The following ZNF469 variants were observed in gnomAD, a reference collection of about 807,000 sequenced individuals.
ZNF469 encodes zinc finger protein 469.
Under a neutral mutation model 1.0 loss-of-function variants are expected in ZNF469, and 1 was observed. That is an observed-to-expected ratio of 1.00 (90% CI 0.35 to 4.73). ZNF469 has a LOEUF of 4.73. Among genes scored for constraint, ZNF469 ranks in the 30% most tolerant of loss-of-function variants. The probability of loss-of-function intolerance (pLI) is 0.16; values close to 1 mark genes in which losing one functional copy is unlikely to be tolerated. For missense variants in ZNF469, 6,100 were observed against 5,356.3 expected (o/e 1.14, Z -4.33); for synonymous variants, 2,703 against 2,363.4 (o/e 1.14, Z -4.17).
chr16:88,165,301 C>T, the ZNF469 span, among the ~76,000 whole-genome samples: 2 of 152,260 alleles, frequency 1.3e-5, no homozygotes, highest in East Asian at 3.8e-4. Context: ...GCTCACGCCA[C>T]CCCGGGTAGC....
At chr16:88,133,642 T>G in the ZNF469 span, among the ~76,000 whole-genome samples, 3 of 150,314 alleles carry the variant, frequency 2.0e-5, no homozygotes, top group African/African-American at 7.5e-5. Flanking sequence ...ATAAAATAAA[T>G]TATAAATAAA....
At chr16:88,360,803 C>G in the ZNF469 span, among the ~76,000 whole-genome samples, 2 of 151,960 alleles carry the variant, frequency 1.3e-5, no homozygotes, top group East Asian at 3.9e-4. Context: ...AGACAGTGCC[C>G]GCGTGCTCTC....
Position 88,437,754 on chromosome 16 carries a change from CAAG to C in ZNF469, c.10288_10290del (p.Lys3430del), listed in dbSNP as rs940875153. 5.2e-6 allele frequency: 8 copies of C among 1,549,632 alleles called. No homozygotes were observed. Among genetic ancestry groups the C allele is most frequent in the Non-Finnish European group, 7.0e-6 (8 of 1,146,590 alleles). ...GCAGCTCCTGCAACTACACCTTCGC[CAAG>C]AAGGAGCAGTTCGACCGCCACATGA... is the stretch of plus-strand genomic sequence containing the variant. On this transcript the variant is annotated inframe_deletion, in exon 3 of 3. Transcript: ENST00000565624.
the ZNF469 span, among the ~76,000 whole-genome samples, chr16:88,105,344 G>A: frequency 7.7e-6 from 1 of 129,252 alleles, no homozygotes; most frequent in African/African-American, 3.0e-5. Context: ...CGCTCTTGTT[G>A]CCCAGGCTGG....
Position 88,435,073 on chromosome 16 carries a change from G to A in ZNF469, c.7603G>A (p.Gly2535Arg). The part of the protein sequence containing the change: ...PPRKKSHRVS[G>R]KERPNHSRGD... ...CAGGAAGAAAAGCCACAGGGTGTCT[G>A]GGAAGGAGAGACCAAATCACTCACG... The change falls in exon 3 of 3, where the codon GGG becomes AGG. Residue 2535 changes from glycine (G) to arginine (R), a missense_variant. Physicochemically the swap from Gly to Arg is moderately radical, Grantham distance 125. Transcript: ENST00000565624. The A allele has an allele frequency of 2.6e-6, 4 of 1,550,408 alleles. No individual in the cohort carries two copies. The highest frequency in any genetic ancestry group is 3.5e-6 in the Non-Finnish European group (4 of 1,146,988).
the ZNF469 span, among the ~76,000 whole-genome samples, chr16:88,167,433 C>A: frequency 6.6e-6 from 1 of 152,178 alleles, no homozygotes; most frequent in Non-Finnish European, 1.5e-5. Context: ...TCCTTGACTC[C>A]GGCAGCTGGT....
At position 88,439,554 on chromosome 16, in the gene ZNF469, A is replaced by G; in HGVS notation, c.*222A>G. On this transcript the variant is annotated 3_prime_UTR_variant, in exon 3 of 3. Coordinates refer to ENST00000565624, the MANE Select transcript of ZNF469 (RefSeq NM_001367624.2). ...AAGGCTGGGGGTGAAAGACGGGGCC[A>G]CTGCAGCCCTTTTGAGACCACACAG... 1.7e-6 allele frequency: 1 copy of G among 596,694 alleles called. No homozygotes were observed. Among genetic ancestry groups the G allele is most frequent in the Non-Finnish European group, 3.0e-6 (1 of 338,186 alleles). The allele number at this position is 596,694 out of a possible 1,614,324, so 37.0% of individuals were successfully genotyped here. A position where few individuals can be genotyped will look rare whatever the true frequency, so the allele number is the denominator to read the frequency against.
the ZNF469 span, among the ~76,000 whole-genome samples, chr16:88,169,344 A>T: frequency 2.0e-5 from 3 of 152,170 alleles, no homozygotes; most frequent in African/African-American, 7.2e-5. This position sits in a 1 kb window ranked among gnomAD's most constrained non-coding sequence, Gnocchi z 6.1. Flanking sequence ...GAGGTGCAGG[A>T]TGTTCTATCA....
At chr16:88,117,791 G>A in the ZNF469 span, among the ~76,000 whole-genome samples, 1 of 152,230 alleles carries the variant, frequency 6.6e-6, no homozygotes, top group Non-Finnish European at 1.5e-5. Flanking sequence ...TGACCTGGGA[G>A]GTGGACCTGT....
At chr16:88,317,123 C>T in the ZNF469 span, among the ~76,000 whole-genome samples, 1 of 152,244 alleles carries the variant, frequency 6.6e-6, no homozygotes, top group Non-Finnish European at 1.5e-5. Flanking sequence ...GCCCCCACCC[C>T]AGTTTGATGG....
chr16:88,244,636 G>A, the ZNF469 span, among the ~76,000 whole-genome samples: 3 of 150,276 alleles, frequency 2.0e-5, no homozygotes, highest in Non-Finnish European at 4.4e-5. Flanking sequence ...TGAAAGGATG[G>A]GTTAGTAGAT....
chr16:88,428,066 C>T lies in ZNF469; in HGVS notation c.596C>T (p.Pro199Leu). Residue 199 changes from proline (P) to leucine (L), a missense_variant, in exon 3 of 3, where the codon CCA becomes CTA. Transcript: ENST00000565624. Reference protein sequence around the residue: ...SSFTSTNYTSPSATPRPPAPG... With the variant: ...SSFTSTNYTSLSATPRPPAPG... ...TTTACCTCCACCAACTATACCTCACCAAGCGCCACCCCCAGGCCCCCAGCC... is the reference window on the plus strand; with the variant it reads ...TTTACCTCCACCAACTATACCTCACTAAGCGCCACCCCCAGGCCCCCAGCC... 6.5e-7 allele frequency: 1 copy of T among 1,549,954 alleles called. No individual in the cohort carries two copies. Among genetic ancestry groups the T allele is most frequent in the Non-Finnish European group, 8.7e-7 (1 of 1,146,838 alleles).
At chr16:88,400,437 C>T (rs1490361724) in intron 1 of ZNF469, among the ~76,000 whole-genome samples, 1 of 152,242 alleles carries the variant, frequency 6.6e-6, no homozygotes, top group East Asian at 1.9e-4. Flanking sequence ...CCTGCTGCTG[C>T]TCCCAGGAGC....
chr16:88,387,837 C>G (rs1447530421), intron 1 of ZNF469, among the ~76,000 whole-genome samples: 1 of 152,144 alleles, frequency 6.6e-6, no homozygotes, highest in Non-Finnish European at 1.5e-5. Flanking sequence ...GGAGCTCTGC[C>G]CCCCGCCGTG....
At chr16:88,256,885 CTTTT>C in the ZNF469 span, among the ~76,000 whole-genome samples, 9 of 103,712 alleles carry the variant, frequency 8.7e-5, no homozygotes, top group East Asian at 4.4e-4. Context: ...CTTTTCTTTT[CTTTT>C]CTTTCCTTCT....
At chr16:88,217,087 T>C in the ZNF469 span, among the ~76,000 whole-genome samples, 1 of 152,240 alleles carries the variant, frequency 6.6e-6, no homozygotes, top group Non-Finnish European at 1.5e-5. Context: ...CTAAGTTGTG[T>C]ATTTTCTCTT....
At chr16:88,220,355 G>A in the ZNF469 span, among the ~76,000 whole-genome samples, 1 of 152,210 alleles carries the variant, frequency 6.6e-6, no homozygotes, top group Non-Finnish European at 1.5e-5. Flanking sequence ...GTTTGTAAAT[G>A]GAGGAAGTCA....
intron 1 of ZNF469, among the ~76,000 whole-genome samples, chr16:88,414,607 G>A (rs577412095): frequency 6.6e-6 from 1 of 152,380 alleles, no homozygotes; most frequent in Admixed American, 6.5e-5. Flanking sequence ...GTCCGAGGGA[G>A]AGGCAGGCCC....
At chr16:88,204,503 G>A in the ZNF469 span, among the ~76,000 whole-genome samples, 1,346 of 152,344 alleles carry the variant, frequency 8.8e-3, 22 homozygotes, top group African/African-American at 0.031. Flanking sequence ...GTCCCTCTTC[G>A]TGGAAAACCG....
Sources: gnomAD v4.1 joint callset for allele counts (sites outside exome capture counted in the v4.1 genomes callset) on GRCh38, gnomAD v4.1.1 for gene constraint, Gnocchi (gnomAD v3.1) non-coding constraint, MANE v1.5 for transcripts, NCBI Gene and HGNC (gene_info 2026-07-23, HGNC 2026-07-21) for gene names.